RYR1: variants seen among roughly 807,000 people sequenced by gnomAD.
RYR1 encodes the protein central core disease of muscle.
In RYR1, 342 loss-of-function variants were observed where a neutral mutation model predicts 583.5. The ratio of observed to expected loss-of-function variants is 0.59; its 90% confidence interval spans 0.54 to 0.64. The LOEUF is 0.64. Ranked by LOEUF, RYR1 falls within the 30% of genes least tolerant of loss-of-function variation. The pLI, the probability that RYR1 is intolerant of heterozygous loss-of-function variation, is 0.00. For missense variants in RYR1, 6,032 were observed against 6,917.2 expected (o/e 0.87, Z 4.54); for synonymous variants, 2,791 against 2,822.5 (o/e 0.99, Z 0.35).
At chr19:38,443,429 GT>G in intron 3 of RYR1, 128 bp from the exon 4 acceptor site, 1 of 814,370 alleles carries the variant, frequency 1.2e-6, no homozygotes, top group Non-Finnish European at 2.1e-6. Context: ...AGCTGAGGCT[GT>G]TTTACCTCTA....
chr19:38,536,621 G>T, intron 82 of RYR1, 129 bp from the exon 83 acceptor site: 3 of 1,069,090 alleles, frequency 2.8e-6, no homozygotes, highest in South Asian at 2.7e-5. Context: ...TCTGTGGGTT[G>T]TTCCTCTCTC....
chr19:38,515,778 C>CT (rs1268296102), intron 64 of RYR1, among the ~76,000 whole-genome samples: 32 of 152,112 alleles, frequency 2.1e-4, no homozygotes, highest in Non-Finnish European at 3.7e-4. Context: ...ACAAAAACGA[C>CT]TTTTTTTAAA....
At chr19:38,505,595 G>A (rs1970407668) in intron 53 of RYR1, among the ~76,000 whole-genome samples, 197 bp downstream of exon 53, 1 of 152,162 alleles carries the variant, frequency 6.6e-6, no homozygotes, top group Admixed American at 6.5e-5. Context: ...TGATTCCTTG[G>A]CTGTAGTAAG....
rs199958914 is a variant in RYR1, at chr19:38,562,078, T to G, written c.12624+624T>G. Among the ~76,000 whole-genome samples, 3 of 152,140 alleles carry G rather than the reference T, an allele frequency of 2.0e-5. No homozygotes were observed. The East Asian group carries it at 5.8e-4, about 29-fold the overall frequency. ...ACCTCTTGCACACACACCCTGAGGA[T>G]GCCAATGAGCCCTCTCAGAACCCTG... On this transcript the variant is annotated intron_variant, in intron 90 of 105. Transcript: ENST00000359596.
chr19:38,507,076 C>T (rs1970491912), intron 57 of RYR1, 124 bp downstream of exon 57: 2 of 1,469,314 alleles, frequency 1.4e-6, no homozygotes, highest in Non-Finnish European at 9.2e-7. Flanking sequence ...AAGATGGAAC[C>T]AGAGGGGAGG....
chr19:38,512,407 C>G lies in RYR1; in HGVS notation c.9396C>G (p.Thr3132=). Residue 3132 remains threonine, a synonymous_variant, in exon 63 of 106, where the codon ACC becomes ACG. Transcript: ENST00000359596. This position sits in a 1 kb window ranked among gnomAD's most constrained non-coding sequence, Gnocchi z 5.1. ...GCGTGGGCCAGAACCTCACCTACAC[C>G]ACTGTGGCACTGCTGCCGGTCCTCA... The part of the protein sequence containing the change: ...VKGVGQNLTY[T]TVALLPVLTT... 6.2e-7 allele frequency: 1 copy of G among 1,613,928 alleles called. No individual in the cohort carries two copies. The highest frequency in any genetic ancestry group is 8.5e-7 in the Non-Finnish European group (1 of 1,180,030).
Position 38,537,142 on chromosome 19 carries a change from T to A in RYR1, c.11608+375T>A, listed in dbSNP as rs1972006554. ...CCCCACTCCCACCTACTCTGCTCTC[T>A]GCACCCCGACCTCAGATTGGTCAGT... On this transcript the variant is annotated intron_variant, in intron 83 of 105. Transcript: ENST00000359596. 3 of 334,778 alleles carry A rather than the reference T, an allele frequency of 9.0e-6. No homozygotes were observed. The South Asian group carries it at 1.2e-4, about 13-fold the overall frequency. 20.7% of individuals were successfully genotyped at this position (334,778 alleles called of 1,614,324 possible).
At position 38,566,950 on chromosome 19, in the gene RYR1, C is replaced by A; in HGVS notation, c.13477C>A (p.Pro4493Thr). The A allele has an allele frequency of 1.2e-6, 2 of 1,606,324 alleles. No homozygotes were observed. Among genetic ancestry groups the A allele is most frequent in the Non-Finnish European group, 1.7e-6 (2 of 1,176,672 alleles). The change falls in exon 92 of 106, where the codon CCC (proline) becomes ACC (threonine). Residue 4493 changes from proline (P) to threonine (T), a missense_variant. Pro to Thr is a conservative substitution (Grantham distance 38). Transcript: ENST00000359596. The part of the protein sequence containing the change: ...VEEELPPEPE[P>T]EPEPELEPEK... ...GGAGGAGCTCCCGCCAGAGCCAGAGCCCGAGCCGGAACCAGAGCTGGAGCC... is the reference window on the plus strand; with the variant it reads ...GGAGGAGCTCCCGCCAGAGCCAGAGACCGAGCCGGAACCAGAGCTGGAGCC...
chr19:38,574,080 A>T (rs1973847030), intron 96 of RYR1, among the ~76,000 whole-genome samples: 1 of 152,010 alleles, frequency 6.6e-6, no homozygotes, highest in Admixed American at 6.6e-5. Context: ...CTCTACTAAA[A>T]ATACAAAAAT....
At position 38,564,821 on chromosome 19, in the gene RYR1, T is replaced by A. The variant is rs925766637; in HGVS notation, c.12625-138T>A. On this transcript the variant is annotated intron_variant, in intron 90 of 105. Transcript: ENST00000359596. Reference sequence around the variant, plus strand: ...GGAGCCACCGCGCCCAGCCTGACCCTGTCTCAAAAACAAAATACCAACAAT... The same window carrying A: ...GGAGCCACCGCGCCCAGCCTGACCCAGTCTCAAAAACAAAATACCAACAAT... 1.0e-5 allele frequency: 15 copies of A among 1,451,858 alleles called. No individual in the cohort carries two copies. The African/African-American group carries it at 2.1e-4, about 20-fold the overall frequency. The allele number at this position is 1,451,858 out of a possible 1,614,324, so 89.9% of individuals were successfully genotyped here. A position where few individuals can be genotyped will look rare whatever the true frequency, so the allele number is the denominator to read the frequency against.
chr19:38,508,536 G>A (rs1431221457), intron 58 of RYR1, among the ~76,000 whole-genome samples: 28 of 152,314 alleles, frequency 1.8e-4, no homozygotes, highest in Non-Finnish European at 1.5e-5. Context: ...TAAATAGGGT[G>A]TTCCAGAAAG....
chr19:38,433,906 C>A lies in RYR1; in HGVS notation c.45+32C>A, dbSNP rs142207522. The stretch of plus-strand genomic sequence containing the variant: ...ATCTCTGGGTTAGGGGCCTGTGGGG[C>A]TATCTCTTGGGGCTCTCTGAGGGTC... On this transcript the variant is annotated intron_variant, in intron 1 of 105. Coordinates refer to ENST00000359596, the MANE Select transcript of RYR1 (RefSeq NM_000540.3). 4.2e-4 allele frequency: 679 copies of A among 1,598,730 alleles called. 3 individuals carry two copies. In the African/African-American group the frequency reaches 6.9e-3, roughly 16 times the overall value.
At chr19:38,577,126 T>C (rs955626380) in intron 97 of RYR1, among the ~76,000 whole-genome samples, 4 of 152,024 alleles carry the variant, frequency 2.6e-5, no homozygotes, top group African/African-American at 9.7e-5. Context: ...CCTCAGGTGA[T>C]CCACCCGCCT....
At position 38,548,339 on chromosome 19, in the gene RYR1, C is replaced by G; in HGVS notation, c.12201C>G (p.Leu4067=). Residue 4067 remains leucine (L), a synonymous_variant, in exon 89 of 106, where the codon CTC becomes CTG. Transcript: ENST00000359596. ...ILKFFDMFLK[L]KDIVGSEAFQ... is the part of the protein sequence containing the mutation. ...AGTTCTTCGACATGTTCCTGAAACT[C>G]AAGGACATTGTGGGCTCTGAAGCCT... is the stretch of plus-strand genomic sequence containing the variant. 1 of 1,614,182 alleles carries G rather than the reference C, an allele frequency of 6.2e-7. No homozygotes were observed. The highest frequency in any genetic ancestry group is 8.5e-7 in the Non-Finnish European group (1 of 1,180,034).
At chr19:38,453,541 A>C (rs1967206503) in intron 13 of RYR1, among the ~76,000 whole-genome samples, 2 of 151,942 alleles carry the variant, frequency 1.3e-5, no homozygotes, top group Non-Finnish European at 2.9e-5. Context: ...ACAGAAAAAA[A>C]TCTCTGTCCT....
rs754047080 is a variant in RYR1, at chr19:38,466,352, C to A, written c.3132C>A (p.Thr1044=). ...NRDSLCQAVR[T]LLGYGYNIEP... ...ACAGCCTCTGCCAGGCCGTGCGCAC[C>A]CTCCTGGGCTACGGCTACAACATCG... The change falls in exon 24 of 106, where the codon ACC becomes ACA. Residue 1044 remains threonine, a synonymous_variant. Coordinates refer to ENST00000359596, the MANE Select transcript of RYR1 (RefSeq NM_000540.3). The A allele has an allele frequency of 1.3e-6, 2 of 1,586,480 alleles. No individual in the cohort carries two copies. The highest frequency in any genetic ancestry group is 2.3e-5 in the South Asian group (2 of 87,626).
At position 38,561,081 on chromosome 19, in the gene RYR1, G is replaced by C; in HGVS notation, c.12283-32G>C. 6.3e-7 allele frequency: 1 copy of C among 1,581,038 alleles called. No individual in the cohort carries two copies. The highest frequency in any genetic ancestry group is 8.7e-7 in the Non-Finnish European group (1 of 1,150,830). On this transcript the variant is annotated intron_variant, in intron 89 of 105. Coordinates refer to ENST00000359596, the MANE Select transcript of RYR1 (RefSeq NM_000540.3). The surrounding 1 kb of genome is among the most constrained non-coding windows in gnomAD (Gnocchi z 4.8). ...AAGAGAGAGAATTGAGGCTCTCCAG[G>C]TCACCCCACTGACCTCCCTGCCCGC...
chr19:38,558,087 T>A (rs2145820739), intron 89 of RYR1, among the ~76,000 whole-genome samples: 2 of 152,102 alleles, frequency 1.3e-5, no homozygotes, highest in Middle Eastern at 3.4e-3. Context: ...GGTGGGAGGA[T>A]CGCTTGAGCC....
intron 57 of RYR1, 54 bp from the exon 58 acceptor site, chr19:38,507,658 G>A: frequency 8.6e-7 from 1 of 1,163,334 alleles, no homozygotes; most frequent in Non-Finnish European, 1.3e-6. Flanking sequence ...GAGAAGGGTG[G>A]GAAACTGTAG....
Sources: gnomAD v4.1 joint callset for allele counts (sites outside exome capture counted in the v4.1 genomes callset) on GRCh38, gnomAD v4.1.1 for gene constraint, Gnocchi (gnomAD v3.1) non-coding constraint, MANE v1.5 for transcripts, NCBI Gene and HGNC (gene_info 2026-07-23, HGNC 2026-07-21) for gene names.